Variants in SEMA6D observed in about 807,000 individuals in gnomAD.
SEMA6D encodes the protein semaphorin 6D.
SEMA6D carries 35 observed loss-of-function variants against 106.6 expected under a neutral mutation model. The observed-to-expected ratio is 0.33, with a 90% CI of 0.25 to 0.44. The LOEUF (loss-of-function observed/expected upper bound fraction) is 0.44, where lower values mean the gene tolerates loss of function less well. Ranked by LOEUF, SEMA6D falls within the 20% of genes least tolerant of loss-of-function variation. The pLI, the probability that SEMA6D is intolerant of heterozygous loss-of-function variation, is 1.00. For synonymous variants in SEMA6D, 499 were observed against 487.7 expected (o/e 1.02, Z -0.31); for missense variants, 1,185 against 1,345.9 (o/e 0.88, Z 1.87).
intron 1 of SEMA6D, among the ~76,000 whole-genome samples, chr15:47,328,147 G>A (rs1433297021): frequency 2.6e-5 from 4 of 152,096 alleles, no homozygotes; most frequent in Non-Finnish European, 4.4e-5. Context: ...GGTAATTCAG[G>A]CACAAAGACA....
At chr15:47,493,717 A>G (rs548518156) in intron 3 of SEMA6D, among the ~76,000 whole-genome samples, 7 of 152,252 alleles carry the variant, frequency 4.6e-5, no homozygotes, top group African/African-American at 7.2e-5. Flanking sequence ...AATTACTACA[A>G]TCTCTTGTAT....
intron 1 of SEMA6D, among the ~76,000 whole-genome samples, chr15:47,349,962 G>C (rs1567017781): frequency 6.6e-6 from 1 of 152,168 alleles, no homozygotes; most frequent in East Asian, 1.9e-4. Context: ...GGGGTCTCTT[G>C]TTGGAGAATG....
intron 2 of SEMA6D, among the ~76,000 whole-genome samples, chr15:47,427,412 A>G (rs780450844): frequency 6.6e-5 from 10 of 152,192 alleles, no homozygotes; most frequent in Non-Finnish European, 1.5e-4. Flanking sequence ...GCGCTGAGAA[A>G]TATTACATTT....
intron 4 of SEMA6D, among the ~76,000 whole-genome samples, chr15:47,690,968 T>C (rs1260212221): frequency 4.6e-5 from 7 of 152,178 alleles, no homozygotes; most frequent in Non-Finnish European, 1.0e-4. Context: ...CTCATGACCA[T>C]CATACTTCTG....
intron 1 of SEMA6D, chr15:47,395,488 T>G (rs1425750334): frequency 6.6e-6 from 1 of 152,224 alleles, no homozygotes; most frequent in Non-Finnish European, 1.5e-5. Context: ...GGAAAGACCC[T>G]TCGTTAATTA....
At chr15:47,730,722 CTTAT>C in intron 1 of SEMA6D, 1 of 1,605,396 alleles carries the variant, frequency 6.2e-7, no homozygotes, top group South Asian at 1.1e-5. Flanking sequence ...CTTTCAGCCG[CTTAT>C]AGAGTATAGC....
At chr15:47,302,787 A>G (rs1431903413) in intron 1 of SEMA6D, among the ~76,000 whole-genome samples, 4 of 152,214 alleles carry the variant, frequency 2.6e-5, no homozygotes, top group African/African-American at 9.6e-5. Context: ...AATGGATCCT[A>G]CAGAAAGTAA....
intron 1 of SEMA6D, among the ~76,000 whole-genome samples, chr15:47,242,581 C>T (rs2032977971): frequency 6.6e-6 from 1 of 152,152 alleles, no homozygotes; most frequent in African/African-American, 2.4e-5. Context: ...GGGGGTCAGG[C>T]TTGAAGTTTT....
chr15:47,720,862 A>G (rs1450073001), intron 1 of SEMA6D, among the ~76,000 whole-genome samples: 2 of 152,210 alleles, frequency 1.3e-5, no homozygotes, highest in African/African-American at 4.8e-5. Context: ...CTTTTGATGC[A>G]TTTTATGCAG....
intron 3 of SEMA6D, among the ~76,000 whole-genome samples, chr15:47,476,714 C>A (rs533634475): frequency 6.6e-6 from 1 of 152,048 alleles, no homozygotes; most frequent in Non-Finnish European, 1.5e-5. Flanking sequence ...TAATTCAGTC[C>A]GTTGTTTGTT....
chr15:47,421,420 AT>A (rs2041151223), intron 2 of SEMA6D, among the ~76,000 whole-genome samples: 1 of 152,120 alleles, frequency 6.6e-6, no homozygotes, highest in South Asian at 2.1e-4. Context: ...ACCCTCATGT[AT>A]TTGAAAGTGC....
At chr15:47,757,909 G>A (rs1451576633) in intron 1 of SEMA6D, among the ~76,000 whole-genome samples, 2 of 152,110 alleles carry the variant, frequency 1.3e-5, no homozygotes, top group African/African-American at 2.4e-5. Flanking sequence ...CTCTGAGAAG[G>A]TGCTATTATC....
At chr15:47,367,694 A>G (rs545462) in intron 1 of SEMA6D, among the ~76,000 whole-genome samples, 107,465 of 135,462 alleles carry the variant, frequency 0.79, 40,982 homozygotes, top group Non-Finnish European at 0.84. Flanking sequence ...GCGCGCGCGC[A>G]CACACACACA....
intron 3 of SEMA6D, among the ~76,000 whole-genome samples, chr15:47,495,431 G>T (rs1176516099): frequency 6.6e-6 from 1 of 151,966 alleles, no homozygotes; most frequent in Non-Finnish European, 1.5e-5. Flanking sequence ...AGTAGCAGGG[G>T]TTAGCTATTG....
intron 1 of SEMA6D, among the ~76,000 whole-genome samples, chr15:47,238,235 C>T (rs16959091): frequency 0.068 from 10,273 of 152,020 alleles, 1,283 homozygotes; most frequent in East Asian, 0.6. Context: ...GAAGAGAATA[C>T]GCTGTAAACT....
rs565619896 is a variant in SEMA6D, at chr15:47,312,197, T to A, written c.-238-100196T>A. ...TGTCCTCACCTAAAACACTTCATTTTGCTGCTGGATGACAGCGATAGCTCC... is the reference window on the plus strand; with the variant it reads ...TGTCCTCACCTAAAACACTTCATTTAGCTGCTGGATGACAGCGATAGCTCC... On this transcript the variant is annotated intron_variant, in intron 1 of 19. Coordinates refer to the SEMA6D transcript ENST00000558014. 6.6e-5 allele frequency among the ~76,000 whole-genome samples: 10 copies of A among 151,750 alleles called. No homozygotes were observed. In the South Asian group the frequency reaches 2.1e-3, roughly 32 times the overall value.
intron 3 of SEMA6D, among the ~76,000 whole-genome samples, chr15:47,577,153 C>T (rs554193508): frequency 1.2e-4 from 18 of 152,342 alleles, no homozygotes; most frequent in African/African-American, 4.1e-4. Flanking sequence ...GTTTCACAAT[C>T]TTCATAGCAG....
At chr15:47,583,072 G>T (rs993810630) in intron 3 of SEMA6D, among the ~76,000 whole-genome samples, 4 of 152,162 alleles carry the variant, frequency 2.6e-5, no homozygotes, top group African/African-American at 4.8e-5. Flanking sequence ...ATTAATCTAT[G>T]AATAAGAAAG....
At chr15:47,300,487 G>C (rs1188240303) in intron 1 of SEMA6D, among the ~76,000 whole-genome samples, 1 of 152,014 alleles carries the variant, frequency 6.6e-6, no homozygotes, top group Non-Finnish European at 1.5e-5. Flanking sequence ...ATAAAAACGT[G>C]AATAAAACGT....
Sources: gnomAD v4.1 joint callset for allele counts (sites outside exome capture counted in the v4.1 genomes callset) on GRCh38, gnomAD v4.1.1 for gene constraint, MANE v1.5 for transcripts, NCBI Gene and HGNC (gene_info 2026-07-23, HGNC 2026-07-21) for gene names.